Variants in AIFM1 observed in about 807,000 individuals in gnomAD.
The protein encoded by AIFM1 is apoptosis inducing factor mitochondria associated 1.
In AIFM1, 3 loss-of-function variants were observed where a neutral mutation model predicts 51.7. The ratio of observed to expected loss-of-function variants is 0.06; its 90% CI spans 0.03 to 0.15. The LOEUF (loss-of-function observed/expected upper bound fraction) is 0.15. AIFM1 is among the 10% of genes least tolerant of loss of function. AIFM1 has a pLI of 1.00. For synonymous variants in AIFM1, 178 were observed against 179.4 expected, an observed-to-expected ratio of 0.99 and a Z score of 0.06; for missense variants, 330 against 476.8, an observed-to-expected ratio of 0.69 and a Z score of 2.87.
intron 15 of AIFM1, 41 bp downstream of exon 15, chrX:130,129,929 G>A (rs374096502): frequency 2.4e-5 from 29 of 1,197,184 alleles, no homozygotes; most frequent in East Asian, 5.9e-5. Context: ...TTTCTAAGCC[G>A]TACTTCCCAT....
At chrX:130,156,310 T>C (rs1455559202) in intron 2 of AIFM1, 151 bp downstream of exon 2, 1 of 630,970 alleles carries the variant, frequency 1.6e-6, no homozygotes, top group Admixed American at 2.9e-5. Context: ...CATAAGATAT[T>C]AGGCAGCAGG....
intron 1 of AIFM1, 29 bp from the exon 2 acceptor site, chrX:130,156,632 A>G: frequency 8.3e-7 from 1 of 1,199,493 alleles, no homozygotes; most frequent in Non-Finnish European, 1.1e-6. Flanking sequence ...TAAGACACAC[A>G]CATACAAAAA....
At chrX:130,136,837 T>C in intron 10 of AIFM1, 106 bp from the exon 11 acceptor site, 1 of 1,020,995 alleles carries the variant, frequency 9.8e-7, no homozygotes. Flanking sequence ...CAATTATCAG[T>C]ACACAGGCAG....
intron 2 of AIFM1, among the ~76,000 whole-genome samples, chrX:130,151,921 C>A (rs2030994304): frequency 9.1e-6 from 1 of 109,990 alleles, no homozygotes; most frequent in Admixed American, 9.7e-5. Context: ...CGCCTGTAAT[C>A]CCAGCTACTA....
At position 130,136,652 on chromosome X, in the gene AIFM1, G is replaced by A. The variant is rs2030352383; in HGVS notation, c.1155C>T (p.Asp385=). 2 of 1,209,433 alleles carry A rather than the reference G, an allele frequency of 1.7e-6. No individual in the cohort carries two copies. The highest frequency in any genetic ancestry group is 2.2e-6 in the Non-Finnish European group (2 of 893,996). The change falls in exon 11 of 16, where the codon GAC becomes GAT. Residue 385 remains aspartate (D), a synonymous_variant. Coordinates refer to ENST00000287295, the MANE Select transcript of AIFM1 (RefSeq NM_004208.4). Reference sequence around the variant, plus strand: ...TCTTTTCCTTCCTTACCTTCCTGCCGTCTTTCAGCTTGATAAGTAACTTGC... The same window carrying A: ...TCTTTTCCTTCCTTACCTTCCTGCCATCTTTCAGCTTGATAAGTAACTTGC... The part of the protein sequence containing the change: ...SSGKLLIKLK[D]GRKVETDHIV...
At chrX:130,158,088 C>A (rs1231649466) in intron 1 of AIFM1, among the ~76,000 whole-genome samples, 1 of 108,505 alleles carries the variant, frequency 9.2e-6, no homozygotes, top group Non-Finnish European at 1.9e-5. Flanking sequence ...CATGGAGAAA[C>A]CCTGTTTCTA....
intron 1 of AIFM1, among the ~76,000 whole-genome samples, chrX:130,164,554 T>C (rs2031467479): frequency 8.9e-6 from 1 of 112,303 alleles, no homozygotes; most frequent in African/African-American, 3.2e-5. Flanking sequence ...GATTTTTTTT[T>C]CAAAGCAACT....
chrX:130,151,508 A>C (rs1314405137), intron 2 of AIFM1, among the ~76,000 whole-genome samples: 1 of 111,729 alleles, frequency 9.0e-6, no homozygotes, highest in Non-Finnish European at 1.9e-5. Context: ...ATGTGCTGCA[A>C]TTGAGGAACC....
chrX:130,131,649 C>T, intron 14 of AIFM1, 26 bp downstream of exon 14: 1 of 1,211,482 alleles, frequency 8.3e-7, no homozygotes, highest in South Asian at 1.8e-5. Context: ...CAACACTCTC[C>T]AAGAGGAGTG....
Position 130,129,654 on chromosome X carries a change from T to A in AIFM1, c.1771-26A>T, listed in dbSNP as rs1256196197. ...CTGAGGGAGAGAGAGTAACAATAGG[T>A]CCCTAACTTACTCCATTGCGTTCAG... On this transcript the variant is annotated intron_variant, in intron 15 of 15. Coordinates refer to ENST00000287295, the MANE Select transcript of AIFM1 (RefSeq NM_004208.4). 2.5e-6 allele frequency: 3 copies of A among 1,177,673 alleles called. No individual in the cohort carries two copies. The South Asian group carries it at 5.3e-5, about 21-fold the overall frequency.
chrX:130,165,594 C>T lies in AIFM1; in HGVS notation c.63G>A (p.Arg21=), dbSNP rs756253535. The T allele has an allele frequency of 1.2e-4, 147 of 1,203,053 alleles. No homozygotes were observed. The highest frequency in any genetic ancestry group is 1.6e-4 in the Non-Finnish European group (145 of 890,844). ...GCCTCGGGCTTCGGACGCACACGGT[C>T]CGCACCAAGGGCACCAGCTTCTGCT... ...ALKQKLVPLV[R]TVCVRSPRQR... The change falls in exon 1 of 16, where the codon CGG becomes CGA. Residue 21 remains arginine, a synonymous_variant. Coordinates refer to ENST00000287295, the MANE Select transcript of AIFM1 (RefSeq NM_004208.4).
At chrX:130,155,850 C>G (rs5977214) in intron 2 of AIFM1, among the ~76,000 whole-genome samples, 283 of 111,660 alleles carry the variant, frequency 2.5e-3, no homozygotes, top group African/African-American at 8.3e-3. Context: ...CTAAGCTGAT[C>G]GGAGTTCATT....
At position 130,165,779 on chromosome X, in the gene AIFM1, C is replaced by A. The variant is rs724160014; in HGVS notation, c.-123G>T. ...TCACACGCACATTACGCAGACTCCT[C>A]CTCCCAGCTCCGGGTGGGCATTGGA... On this transcript the variant is annotated 5_prime_UTR_variant, in exon 1 of 16. It introduces an in-frame stop codon into an upstream open reading frame of the 5' UTR. Transcript: ENST00000287295. 2.5e-5 allele frequency: 15 copies of A among 605,105 alleles called. No individual in the cohort carries two copies. Among genetic ancestry groups the A allele is most frequent in the Non-Finnish European group, 3.6e-5 (13 of 362,019 alleles). 49.9% of individuals were successfully genotyped at this position (605,105 alleles called of 1,213,427 possible).
chrX:130,143,333 C>CTG (rs2030643411), intron 6 of AIFM1, among the ~76,000 whole-genome samples: 2 of 112,205 alleles, frequency 1.8e-5, no homozygotes, highest in Non-Finnish European at 3.8e-5. Context: ...TGGTCCAAAA[C>CTG]TGAATTTTAT....
chrX:130,138,827 A>G (rs377343087), intron 8 of AIFM1, 126 bp from the exon 9 acceptor site: 3 of 509,186 alleles, frequency 5.9e-6, no homozygotes, highest in East Asian at 7.2e-5. Context: ...TGACTCAATT[A>G]TAACTTCTAT....
Position 130,130,000 on chromosome X carries a change from G to A in AIFM1, c.1740C>T (p.Asn580=), listed in dbSNP as rs1455517770. ...TTGCTATTGGCATTCGGTTAAAGATGTTCCATAGCACAATCCCCACGACCA... is the reference window on the plus strand; with the variant it reads ...TTGCTATTGGCATTCGGTTAAAGATATTCCATAGCACAATCCCCACGACCA... ...DKVVVGIVLW[N]IFNRMPIARK... is the part of the protein sequence containing the mutation. Residue 580 remains asparagine (N), a synonymous_variant, in exon 15 of 16, where the codon AAC becomes AAT. Transcript: ENST00000287295. 4 of 1,211,781 alleles carry A rather than the reference G, an allele frequency of 3.3e-6. No homozygotes were observed. The highest frequency in any genetic ancestry group is 2.3e-4 in the Middle Eastern group (1 of 4,356).
chrX:130,155,271 T>C, intron 2 of AIFM1: 1 of 1,210,119 alleles, frequency 8.3e-7, no homozygotes, highest in Non-Finnish European at 1.1e-6. Context: ...GGATCCTAGG[T>C]GATGAGACTG....
intron 2 of AIFM1, among the ~76,000 whole-genome samples, chrX:130,153,974 G>A (rs1299418733): frequency 8.9e-6 from 1 of 112,317 alleles, no homozygotes; most frequent in African/African-American, 3.2e-5. Flanking sequence ...CTGATTTTAA[G>A]TTCATAGTTC....
chrX:130,141,390 G>A (rs1042476061), intron 6 of AIFM1, among the ~76,000 whole-genome samples: 4 of 111,438 alleles, frequency 3.6e-5, no homozygotes, highest in African/African-American at 1.3e-4. Context: ...AAGGAGAATC[G>A]GAACAGCCTT....
Sources: gnomAD v4.1 joint callset for allele counts (sites outside exome capture counted in the v4.1 genomes callset) on GRCh38, gnomAD v4.1.1 for gene constraint, MANE v1.5 for transcripts, NCBI Gene and HGNC (gene_info 2026-07-23, HGNC 2026-07-21) for gene names.